AXDND1: variants seen among roughly 807,000 people sequenced by gnomAD.
The protein encoded by AXDND1 is axonemal dynein light chain domain containing 1.
A neutral mutation model predicts 137.5 loss-of-function variants in AXDND1; 110 were observed. The ratio of observed to expected loss-of-function variants is 0.80; its 90% CI spans 0.69 to 0.94. The LOEUF is 0.94. Among genes scored for constraint, AXDND1 ranks in the 40% least tolerant of loss-of-function variants. The pLI, the probability that AXDND1 is intolerant of heterozygous loss-of-function variation, is 0.00. For synonymous variants in AXDND1, 414 were observed against 399.7 expected (o/e 1.04, Z -0.43); for missense variants, 1,191 against 1,169.8 (o/e 1.02, Z -0.26).
At chr1:179,456,533 A>G in intron 16 of AXDND1, 1 of 776,354 alleles carries the variant, frequency 1.3e-6, no homozygotes, top group Non-Finnish European at 2.4e-6. Flanking sequence ...CCTGTCCAAC[A>G]CTTCCATAGC....
At position 179,488,628 on chromosome 1, in the gene AXDND1, CTCTCTCCTT is replaced by C. The variant is rs1387556446; in HGVS notation, c.2092-2906_2092-2898del. On this transcript the variant is annotated intron_variant, in intron 18 of 25. Coordinates refer to ENST00000367618, the MANE Select transcript of AXDND1 (RefSeq NM_144696.6). Reference sequence around the variant, plus strand: ...TTTTTCTTTCTTTCTTTCTCTCTCTCTCTCTCCTTTCTTTCTTTCTTTCTTTCTTTCTTT... The same window carrying C: ...TTTTTCTTTCTTTCTTTCTCTCTCTCTCTTTCTTTCTTTCTTTCTTTCTTT... Among the ~76,000 whole-genome samples, 9 of 61,764 alleles carry C rather than the reference CTCTCTCCTT, an allele frequency of 1.5e-4. No individual in the cohort carries two copies. In the Admixed American group the frequency reaches 1.5e-3, roughly 10 times the overall value. The allele number at this position is 61,764 out of a possible 152,430, so 40.5% of individuals were successfully genotyped here. A position where few individuals can be genotyped will look rare whatever the true frequency, so the allele number is the denominator to read the frequency against.
chr1:179,480,947 TTAAAA>T (rs1296513182), intron 17 of AXDND1, among the ~76,000 whole-genome samples: 3 of 150,070 alleles, frequency 2.0e-5, no homozygotes, highest in African/African-American at 7.3e-5. Flanking sequence ...TTATTTTTAT[TTAAAA>T]TAAAATGTAT....
chr1:179,530,028 C>G (rs1017492994), intron 23 of AXDND1, among the ~76,000 whole-genome samples: 1 of 151,952 alleles, frequency 6.6e-6, no homozygotes, highest in African/African-American at 2.4e-5. Flanking sequence ...AATACAATGT[C>G]GTGAGATTTA....
intron 16 of AXDND1, 131 bp downstream of exon 16, chr1:179,445,335 A>G (rs1440077058): frequency 1.6e-6 from 1 of 641,018 alleles, no homozygotes; most frequent in East Asian, 2.9e-5. Context: ...AAAATAAGCA[A>G]AGCATTGAGC....
chr1:179,522,985 T>TTTATAAA (rs1162860104), intron 21 of AXDND1, among the ~76,000 whole-genome samples: 7 of 151,496 alleles, frequency 4.6e-5, no homozygotes, highest in African/African-American at 1.5e-4. Flanking sequence ...AGCTTTTGCT[T>TTTATAAA]TTATAAATAT....
intron 20 of AXDND1, among the ~76,000 whole-genome samples, chr1:179,506,451 G>A (rs947366459): frequency 6.6e-5 from 10 of 152,078 alleles, no homozygotes; most frequent in African/African-American, 2.2e-4. Context: ...CCTCTATGCC[G>A]GCTGTGCACA....
At chr1:179,391,133 A>G (rs1172106823) in intron 9 of AXDND1, among the ~76,000 whole-genome samples, 2 of 139,546 alleles carry the variant, frequency 1.4e-5, no homozygotes, top group African/African-American at 5.3e-5. Context: ...TTTTTCCTAT[A>G]TTGTTCATCT....
intron 4 of AXDND1, among the ~76,000 whole-genome samples, chr1:179,375,397 C>A (rs1668489370): frequency 2.0e-5 from 3 of 151,908 alleles, no homozygotes; most frequent in African/African-American, 7.2e-5. Context: ...AGCCACCATG[C>A]CCGGCCCCAA....
chr1:179,449,124 G>A (rs776897094), intron 16 of AXDND1: 20 of 453,884 alleles, frequency 4.4e-5, no homozygotes, highest in Non-Finnish European at 6.2e-5. Context: ...GGGTTCAAGC[G>A]ATCATCCCAC....
intron 15 of AXDND1, among the ~76,000 whole-genome samples, chr1:179,444,290 G>A (rs891433769): frequency 6.6e-6 from 1 of 152,044 alleles, no homozygotes; most frequent in African/African-American, 2.4e-5. Flanking sequence ...AGCCTAGGAT[G>A]TTAAGTAACT....
chr1:179,489,741 C>CTTTTT (rs140787885), intron 18 of AXDND1, among the ~76,000 whole-genome samples: 47 of 101,266 alleles, frequency 4.6e-4, no homozygotes, highest in East Asian at 8.0e-4. Flanking sequence ...TACTACTTTT[C>CTTTTT]TTTTTTTTTT....
chr1:179,458,937 G>A (rs1188576608), intron 16 of AXDND1, among the ~76,000 whole-genome samples: 1 of 150,908 alleles, frequency 6.6e-6, no homozygotes, highest in East Asian at 1.9e-4. Flanking sequence ...TTGAAAAAGA[G>A]AAGATAAAAT....
chr1:179,536,887 T>C (rs1206456742), intron 25 of AXDND1, among the ~76,000 whole-genome samples: 2 of 152,220 alleles, frequency 1.3e-5, no homozygotes, highest in East Asian at 1.9e-4. Flanking sequence ...TTTTATTTCA[T>C]TGAGCAGTGG....
chr1:179,548,334 C>G (rs1672836018), intron 25 of AXDND1, among the ~76,000 whole-genome samples: 1 of 152,232 alleles, frequency 6.6e-6, no homozygotes, highest in Admixed American at 6.5e-5. Context: ...AATCACAACT[C>G]TGTGAGGTGG....
chr1:179,518,179 C>T (rs542431463), intron 21 of AXDND1, among the ~76,000 whole-genome samples: 34 of 152,234 alleles, frequency 2.2e-4, no homozygotes, highest in Non-Finnish European at 3.4e-4. Flanking sequence ...GCTTTTTCTG[C>T]GAACTGGTCC....
At chr1:179,402,090 T>G (rs981820473) in intron 11 of AXDND1, among the ~76,000 whole-genome samples, 1 of 149,754 alleles carries the variant, frequency 6.7e-6, no homozygotes, top group African/African-American at 2.5e-5. Flanking sequence ...GAGAATTGCT[T>G]GAACCTGGGA....
intron 12 of AXDND1, among the ~76,000 whole-genome samples, chr1:179,416,145 T>C (rs1654670742): frequency 6.6e-6 from 1 of 152,198 alleles, no homozygotes; most frequent in African/African-American, 2.4e-5. Context: ...TCTATCTTCA[T>C]GTGATCCACT....
chr1:179,383,784 A>G (rs1415277481), intron 8 of AXDND1, among the ~76,000 whole-genome samples: 1 of 152,250 alleles, frequency 6.6e-6, no homozygotes, highest in Non-Finnish European at 1.5e-5. Flanking sequence ...AGTTCTTGGC[A>G]TGTGGTAGAC....
At chr1:179,391,518 TTTATTTATTTATTTAC>T (rs1275066636) in intron 9 of AXDND1, among the ~76,000 whole-genome samples, 10 of 135,414 alleles carry the variant, frequency 7.4e-5, no homozygotes, top group South Asian at 2.4e-4. Context: ...ATTTTATTTA[TTTATTTATTTATTTAC>T]TTATTTATTT....
Sources: allele counts gnomAD v4.1 joint callset (sites outside exome capture counted in the v4.1 genomes callset), GRCh38; gene constraint gnomAD v4.1.1; transcripts MANE v1.5; gene names NCBI Gene and HGNC (gene_info 2026-07-23, HGNC 2026-07-21).